Variants in NLGN2 observed in about 807,000 individuals in gnomAD.
The protein encoded by NLGN2 is neuroligin 2.
A neutral mutation model predicts 48.6 loss-of-function variants in NLGN2; 11 were observed. That is an observed-to-expected ratio of 0.23 (90% CI 0.14 to 0.37). The LOEUF is 0.37. Ranked by LOEUF, NLGN2 falls within the 10% of genes least tolerant of loss-of-function variation. NLGN2 has a pLI of 1.00. For synonymous variants in NLGN2, 548 were observed against 550.0 expected, an observed-to-expected ratio of 1.00 and a Z score of 0.05; for missense variants, 801 against 1,225.2, an observed-to-expected ratio of 0.65 and a Z score of 5.17.
upstream of NLGN2, among the ~76,000 whole-genome samples, chr17:7,407,078 C>G (rs1254661358): frequency 6.6e-6 from 1 of 152,128 alleles, no homozygotes; most frequent in East Asian, 1.9e-4. Flanking sequence ...ATACTTCTTC[C>G]TCTATGTTAA....
At chr17:7,412,601 A>G (rs1335450427) in intron 2 of NLGN2, among the ~76,000 whole-genome samples, 1 of 151,766 alleles carries the variant, frequency 6.6e-6, no homozygotes, top group African/African-American at 2.4e-5. Context: ...GAACAAAACA[A>G]CAGTTCAAAA....
At chr17:7,410,186 CT>C (rs1277019384) in intron 1 of NLGN2, among the ~76,000 whole-genome samples, 1 of 150,042 alleles carries the variant, frequency 6.7e-6, no homozygotes, top group Non-Finnish European at 1.5e-5. Context: ...GAATCCCCCC[CT>C]GCCAAACACG....
In NLGN2 at chr17:7,410,263, T is replaced by A. The variant is rs371600863; in HGVS notation, c.457+1551T>A. ...TACCTCGCAAATGGACCATTCACCC[T>A]GTATCCCCCATCCCAGCCATACCCC... On this transcript the variant is annotated intron_variant, in intron 1 of 6. Transcript: ENST00000302926. 1.0e-4 allele frequency among the ~76,000 whole-genome samples: 15 copies of A among 147,658 alleles called. No individual in the cohort carries two copies. In the East Asian group the frequency reaches 3.0e-3, roughly 30 times the overall value.
rs769626867 is a variant in NLGN2 at position 7,414,677 on chromosome 17, G to A, written c.673G>A (p.Gly225Arg). 4 of 1,614,026 alleles carry A rather than the reference G, an allele frequency of 2.5e-6. No individual in the cohort carries two copies. Among genetic ancestry groups the A allele is most frequent in the Admixed American group, 1.7e-5 (1 of 60,018 alleles). Residue 225 changes from glycine to arginine, a missense_variant, in exon 4 of 7, where the codon GGG becomes AGG. Coordinates refer to ENST00000302926, the MANE Select transcript of NLGN2 (RefSeq NM_020795.4). ...RLGVLGFLST[G>R]DQAAKGNYGL... ...TCTACTCCCAGGTTTTCTCAGCACC[G>A]GGGACCAGGCTGCAAAAGGCAACTA...
rs1446323440 is a variant in NLGN2, at chr17:7,411,893, CA to C, written c.458-263del. ...CAGGCCTCAGCCCACTCAGGCACCC[CA>C]CCCCCCCAAAACCAGCCTTTTCTTT... On this transcript the variant is annotated intron_variant, in intron 1 of 6. Coordinates refer to ENST00000302926, the MANE Select transcript of NLGN2 (RefSeq NM_020795.4). This position sits in a 1 kb window ranked among gnomAD's most constrained non-coding sequence, Gnocchi z 4.5. Among the ~76,000 whole-genome samples the C allele has an allele frequency of 5.3e-5, 8 of 152,088 alleles. No individual in the cohort carries two copies. Among genetic ancestry groups the C allele is most frequent in the Non-Finnish European group, 1.2e-4 (8 of 68,014 alleles).
At position 7,408,112 on chromosome 17, in the gene NLGN2, G is replaced by A; in HGVS notation, c.-144G>A. ...CCCTTCTCTGTCCAGTCTAACCCAG[G>A]TCCCTCCCCAACCCCCTCCTCCCTC... On this transcript the variant is annotated 5_prime_UTR_variant, in exon 1 of 7. Coordinates refer to ENST00000302926, the MANE Select transcript of NLGN2 (RefSeq NM_020795.4). The surrounding 1 kb of genome is among the most constrained non-coding windows in gnomAD (Gnocchi z 7.5). 2 of 441,372 alleles carry A rather than the reference G, an allele frequency of 4.5e-6. No individual in the cohort carries two copies. Among genetic ancestry groups the A allele is most frequent in the African/African-American group, 2.1e-5 (1 of 47,352 alleles). The allele number at this position is 441,372 out of a possible 1,614,324, so 27.3% of individuals were successfully genotyped here.
At position 7,408,238 on chromosome 17, in the gene NLGN2, G is replaced by T; in HGVS notation, c.-18G>T. On this transcript the variant is annotated 5_prime_UTR_variant, in exon 1 of 7. Coordinates refer to ENST00000302926, the MANE Select transcript of NLGN2 (RefSeq NM_020795.4). This position sits in a 1 kb window ranked among gnomAD's most constrained non-coding sequence, Gnocchi z 7.5. ...GGGGGGGGGGTCCCAGGGAGGGAGG[G>T]GGGGTCCCCCGATCAGCATGTGGCT... The T allele has an allele frequency of 1.6e-6, 2 of 1,256,708 alleles. No homozygotes were observed. Among genetic ancestry groups the T allele is most frequent in the Non-Finnish European group, 2.0e-6 (2 of 990,316 alleles). 77.8% of individuals were successfully genotyped at this position (1,256,708 alleles called of 1,614,324 possible).
chr17:7,406,020 G>A (rs773820310), upstream of NLGN2, among the ~76,000 whole-genome samples: 11 of 152,160 alleles, frequency 7.2e-5, no homozygotes, highest in Non-Finnish European at 1.5e-4. Flanking sequence ...GTGGCAGACA[G>A]AGATGAGGAG....
Position 7,417,831 on chromosome 17 carries a change from C to T in NLGN2, c.*32C>T, listed in dbSNP as rs948208572. The stretch of plus-strand genomic sequence containing the variant: ...GGTGGGGAGGCCCTCCTCCCCGGCC[C>T]TCCCTGGCCCGGCCACTCCGAAGGC... On this transcript the variant is annotated 3_prime_UTR_variant, in exon 7 of 7. Transcript: ENST00000302926. The T allele has an allele frequency of 1.8e-5, 25 of 1,353,880 alleles. No homozygotes were observed. The highest frequency in any genetic ancestry group is 2.4e-5 in the Non-Finnish European group (25 of 1,061,708). The allele number at this position is 1,353,880 out of a possible 1,614,324, so 83.9% of individuals were successfully genotyped here. A position where few individuals can be genotyped will look rare whatever the true frequency, so the allele number is the denominator to read the frequency against.
Position 7,419,113 on chromosome 17 carries a change from TCTC to T in NLGN2, c.*1318_*1320del, listed in dbSNP as rs1907279761. 6.6e-6 allele frequency: 1 copy of T among 152,418 alleles called. No homozygotes were observed. Among genetic ancestry groups the T allele is most frequent in the African/African-American group, 2.4e-5 (1 of 41,536 alleles). The allele number at this position is 152,418 out of a possible 1,614,324, so 9.4% of individuals were successfully genotyped here. A position where few individuals can be genotyped will look rare whatever the true frequency, so the allele number is the denominator to read the frequency against. ...CCCCATCTCAGTGTCAGACCAGCCTTCTCCTCAGCTGACCACCCTCCTCTGACC... is the reference window on the plus strand; with the variant it reads ...CCCCATCTCAGTGTCAGACCAGCCTTCTCAGCTGACCACCCTCCTCTGACC... On this transcript the variant is annotated 3_prime_UTR_variant, in exon 7 of 7. Coordinates refer to ENST00000302926, the MANE Select transcript of NLGN2 (RefSeq NM_020795.4).
Position 7,417,481 on chromosome 17 carries a change from C to CGCCG in NLGN2, c.2191_2194dup (p.Ala732GlyfsTer5). On this transcript the variant is annotated frameshift_variant, in exon 7 of 7. Transcript: ENST00000302926. LOFTEE classifies it low-confidence loss of function (END_TRUNC). ...TGCCTGGTGGGGGCCCCCTGCTCCCCGCCGCGGGCCGTGAGCTGCCACCAG... is the reference window on the plus strand; with the variant it reads ...TGCCTGGTGGGGGCCCCCTGCTCCCCGCCGGCCGCGGGCCGTGAGCTGCCACCAG... The CGCCG allele has an allele frequency of 6.6e-7, 1 of 1,520,728 alleles. No homozygotes were observed. Among genetic ancestry groups the CGCCG allele is most frequent in the Non-Finnish European group, 8.8e-7 (1 of 1,138,042 alleles). 94.2% of individuals were successfully genotyped at this position (1,520,728 alleles called of 1,614,324 possible). A position where few individuals can be genotyped will look rare whatever the true frequency, so the allele number is the denominator to read the frequency against.
At position 7,417,877 on chromosome 17, in the gene NLGN2, T is replaced by A; in HGVS notation, c.*78T>A. On this transcript the variant is annotated 3_prime_UTR_variant, in exon 7 of 7. Coordinates refer to ENST00000302926, the MANE Select transcript of NLGN2 (RefSeq NM_020795.4). ...AAGGCAGGGAGGAGGACTTGGCAAC[T>A]GGCTTTTCTCCTGTGGAGTCGTCAC... The A allele has an allele frequency of 7.5e-7, 1 of 1,330,500 alleles. No individual in the cohort carries two copies. Among genetic ancestry groups the A allele is most frequent in the Admixed American group, 3.4e-5 (1 of 29,390 alleles). The allele number at this position is 1,330,500 out of a possible 1,614,324, so 82.4% of individuals were successfully genotyped here.
Position 7,417,470 on chromosome 17 carries a change from C to T in NLGN2, c.2179C>T (p.Pro727Ser), listed in dbSNP as rs1198748618. The change falls in exon 7 of 7, where the codon CCC (proline) becomes TCC (serine). Residue 727 changes from proline to serine, a missense_variant. Coordinates refer to ENST00000302926, the MANE Select transcript of NLGN2 (RefSeq NM_020795.4). ...GSGSGVPGGG[P>S]LLPAAGRELP... ...AGGCTCTGGCGTGCCTGGTGGGGGC[C>T]CCCTGCTCCCCGCCGCGGGCCGTGA... 4.5e-6 allele frequency: 7 copies of T among 1,540,454 alleles called. No individual in the cohort carries two copies. In the East Asian group the frequency reaches 7.4e-5, roughly 16 times the overall value.
upstream of NLGN2, chr17:7,405,359 AC>A (rs763531898): frequency 1.3e-5 from 2 of 151,640 alleles, no homozygotes; most frequent in Non-Finnish European, 2.9e-5. The surrounding 1 kb of genome is among the most constrained non-coding windows in gnomAD (Gnocchi z 6.8). Context: ...TATCGTCCCT[AC>A]TGCGGGGTTC....
upstream of NLGN2, chr17:7,404,927 G>A (rs1291941333): frequency 6.6e-6 from 1 of 152,014 alleles, no homozygotes; most frequent in Admixed American, 6.5e-5. Flanking sequence ...TCTCGGGCTG[G>A]GATGGACGCG....
Position 7,408,776 on chromosome 17 carries a change from C to G in NLGN2, c.457+64C>G. On this transcript the variant is annotated intron_variant, in intron 1 of 6. Coordinates refer to ENST00000302926, the MANE Select transcript of NLGN2 (RefSeq NM_020795.4). The surrounding 1 kb of genome is among the most constrained non-coding windows in gnomAD (Gnocchi z 7.5). ...CAGCCCACAAACGCACATGCAGACC[C>G]TCAGGCACTGGCACCGCTCTAGGGC... 6.2e-7 allele frequency: 1 copy of G among 1,609,278 alleles called. No individual in the cohort carries two copies. The highest frequency in any genetic ancestry group is 1.8e-4 in the Middle Eastern group (1 of 5,584).
In NLGN2 at chr17:7,408,234, G is replaced by T; in HGVS notation, c.-22G>T. The T allele has an allele frequency of 8.1e-7, 1 of 1,232,422 alleles. No individual in the cohort carries two copies. The highest frequency in any genetic ancestry group is 1.0e-6 in the Non-Finnish European group (1 of 968,410). The allele number at this position is 1,232,422 out of a possible 1,614,324, so 76.3% of individuals were successfully genotyped here. A position where few individuals can be genotyped will look rare whatever the true frequency, so the allele number is the denominator to read the frequency against. ...CCGAGGGGGGGGGGTCCCAGGGAGG[G>T]AGGGGGGGTCCCCCGATCAGCATGT... On this transcript the variant is annotated 5_prime_UTR_variant, in exon 1 of 7. Transcript: ENST00000302926. This position sits in a 1 kb window ranked among gnomAD's most constrained non-coding sequence, Gnocchi z 7.5.
In NLGN2 at chr17:7,417,283, C is replaced by T; in HGVS notation, c.1992C>T (p.Arg664=). ...EPEPGPRAYD[R]FPGDSRDYST... ...AGCCCGGCCCAAGGGCCTATGACCG[C>T]TTCCCCGGGGACTCACGGGACTACT... The change falls in exon 7 of 7, where the codon CGC becomes CGT. Residue 664 remains arginine, a synonymous_variant. Transcript: ENST00000302926. 1 of 1,598,390 alleles carries T rather than the reference C, an allele frequency of 6.3e-7. No homozygotes were observed. The highest frequency in any genetic ancestry group is 8.5e-7 in the Non-Finnish European group (1 of 1,174,218).
Position 7,415,842 on chromosome 17 carries a change from G to A in NLGN2, c.1369G>A (p.Asp457Asn). The A allele has an allele frequency of 6.2e-7, 1 of 1,612,926 alleles. No homozygotes were observed. The highest frequency in any genetic ancestry group is 8.5e-7 in the Non-Finnish European group (1 of 1,179,450). ...RRKTLLALFT[D>N]HQWVAPAVAT... ...CAAAACCCTGCTGGCGCTCTTTACTGACCACCAATGGGTGGCACCAGCTGT... is the reference window on the plus strand; with the variant it reads ...CAAAACCCTGCTGGCGCTCTTTACTAACCACCAATGGGTGGCACCAGCTGT... Residue 457 changes from aspartate (D) to asparagine (N), a missense_variant, in exon 6 of 7, where the codon GAC becomes AAC. By Grantham distance (23) the Asp-to-Asn change is conservative. Around this residue, in one of 5 missense-constraint regions of NLGN2, gnomAD observed 303 missense variants for 600.1 expected, o/e 0.50. Coordinates refer to ENST00000302926, the MANE Select transcript of NLGN2 (RefSeq NM_020795.4).
Sources: gnomAD v4.1 joint callset for allele counts (sites outside exome capture counted in the v4.1 genomes callset) on GRCh38, gnomAD v4.1.1 for gene constraint, gnomAD v4.1.1 regional missense constraint, Gnocchi (gnomAD v3.1) non-coding constraint, MANE v1.5 for transcripts, NCBI Gene and HGNC (gene_info 2026-07-23, HGNC 2026-07-21) for gene names.